The following RBM47 variants were observed in gnomAD, a reference collection of about 807,000 sequenced individuals.
RBM47 encodes RNA-binding protein 47.
Under a neutral mutation model 47.1 loss-of-function variants are expected in RBM47, and 21 were observed. The observed-to-expected ratio is 0.45, with a 90% CI of 0.32 to 0.64. The LOEUF is 0.64. Ranked by LOEUF, RBM47 falls within the 30% of genes least tolerant of loss-of-function variation. The pLI is 0.05. For synonymous variants in RBM47, 375 were observed against 361.7 expected (o/e 1.04, Z -0.42); for missense variants, 708 against 870.9 (o/e 0.81, Z 2.35).
intron 1 of RBM47, among the ~76,000 whole-genome samples, chr4:40,563,658 A>G (rs1295091832): frequency 6.6e-6 from 1 of 152,182 alleles, no homozygotes; most frequent in Non-Finnish European, 1.5e-5. Context: ...CACTAAGCAG[A>G]GCCTGGGTTT....
At chr4:40,435,565 T>C (rs1342895275) in intron 5 of RBM47, among the ~76,000 whole-genome samples, 3 of 151,892 alleles carry the variant, frequency 2.0e-5, no homozygotes, top group Admixed American at 6.6e-5. Context: ...AACAAAACTT[T>C]CACCACTGCC....
chr4:40,589,612 T>C (rs1047470386), intron 1 of RBM47, among the ~76,000 whole-genome samples: 1 of 151,966 alleles, frequency 6.6e-6, no homozygotes, highest in Non-Finnish European at 1.5e-5. Context: ...AATTTTTTTG[T>C]ATTTTTAGTA....
chr4:40,433,074 C>T (rs4452463), intron 5 of RBM47, among the ~76,000 whole-genome samples: 3,303 of 152,220 alleles, frequency 0.022, 67 homozygotes, highest in African/African-American at 0.056. Context: ...GATCCTCCCA[C>T]CTCAGCCTCC....
intron 3 of RBM47, among the ~76,000 whole-genome samples, chr4:40,457,902 C>T (rs940073059): frequency 6.6e-6 from 1 of 152,102 alleles, no homozygotes; most frequent in African/African-American, 2.4e-5. Context: ...TCACCTGAGC[C>T]TTGGAGTTTG....
intron 2 of RBM47, among the ~76,000 whole-genome samples, chr4:40,485,838 T>C (rs1720990093): frequency 6.6e-6 from 1 of 151,480 alleles, no homozygotes; most frequent in East Asian, 1.9e-4. Flanking sequence ...GGTGGGCGGA[T>C]TGCTTGAGTC....
At chr4:40,624,318 T>C (rs1009980665) in intron 1 of RBM47, among the ~76,000 whole-genome samples, 1 of 152,202 alleles carries the variant, frequency 6.6e-6, no homozygotes, top group South Asian at 2.1e-4. Context: ...CACTCTGCTA[T>C]GGAGTGTGAA....
intron 5 of RBM47, among the ~76,000 whole-genome samples, chr4:40,436,002 CAA>C (rs11452583): frequency 9.3e-4 from 104 of 111,310 alleles, no homozygotes; most frequent in African/African-American, 2.6e-3. Flanking sequence ...ACTAAAAATA[CAA>C]AAAAAAAAAA....
intron 1 of RBM47, among the ~76,000 whole-genome samples, chr4:40,601,641 C>T (rs528062246): frequency 2.1e-4 from 32 of 152,300 alleles, no homozygotes; most frequent in South Asian, 6.2e-4. Context: ...AAAAGCTTCG[C>T]TTGCTTGTTT....
At chr4:40,450,364 C>T (rs900057000) in intron 3 of RBM47, among the ~76,000 whole-genome samples, 1 of 151,922 alleles carries the variant, frequency 6.6e-6, no homozygotes, top group Non-Finnish European at 1.5e-5. Context: ...GAGGCTGAGG[C>T]GGCCTGATCA....
At chr4:40,585,091 C>T (rs887098984) in intron 1 of RBM47, among the ~76,000 whole-genome samples, 6 of 152,308 alleles carry the variant, frequency 3.9e-5, no homozygotes, top group Middle Eastern at 3.4e-3. Context: ...AGGTTTCATT[C>T]GGGGTCATTA....
intron 2 of RBM47, among the ~76,000 whole-genome samples, chr4:40,473,220 C>T (rs73231765): frequency 0.08 from 12,127 of 152,236 alleles, 605 homozygotes; most frequent in Middle Eastern, 0.14. Flanking sequence ...TTGCTACAAC[C>T]TCATGAAGCA....
chr4:40,609,627 C>A (rs1736075021), intron 1 of RBM47, among the ~76,000 whole-genome samples: 1 of 151,780 alleles, frequency 6.6e-6, no homozygotes, highest in Admixed American at 6.6e-5. Flanking sequence ...CCTTTTTCTT[C>A]TTTTTTAGCT....
intron 1 of RBM47, among the ~76,000 whole-genome samples, chr4:40,627,424 C>T (rs777703389): frequency 2.6e-5 from 4 of 152,128 alleles, no homozygotes; most frequent in Admixed American, 6.5e-5. Context: ...CCTCCCTTCA[C>T]GCTTATATCC....
At chr4:40,444,148 G>GT (rs760099671) in intron 3 of RBM47, among the ~76,000 whole-genome samples, 1 of 152,144 alleles carries the variant, frequency 6.6e-6, no homozygotes, top group Non-Finnish European at 1.5e-5. Context: ...GCAGTGAGCT[G>GT]TGACTGCGCC....
intron 3 of RBM47, among the ~76,000 whole-genome samples, chr4:40,448,939 A>T (rs7678746): frequency 0.026 from 3,943 of 152,258 alleles, 169 homozygotes; most frequent in African/African-American, 0.09. Flanking sequence ...TGGGGTAGGA[A>T]ATCAGAGAGA....
chr4:40,443,021 C>A (rs937137855), intron 3 of RBM47, among the ~76,000 whole-genome samples: 11 of 152,064 alleles, frequency 7.2e-5, no homozygotes, highest in Admixed American at 3.9e-4. Context: ...TATGGAAGAA[C>A]CTTGAAGACA....
intron 2 of RBM47, among the ~76,000 whole-genome samples, chr4:40,478,156 C>T (rs1719900438): frequency 6.6e-6 from 1 of 151,850 alleles, no homozygotes; most frequent in African/African-American, 2.4e-5. Flanking sequence ...GCTGGGATTA[C>T]AGCCATGCGC....
intron 1 of RBM47, among the ~76,000 whole-genome samples, chr4:40,553,775 G>A (rs1193619529): frequency 1.3e-5 from 2 of 152,088 alleles, no homozygotes; most frequent in Non-Finnish European, 2.9e-5. Flanking sequence ...GAGATAATAA[G>A]CCCTTAATCA....
At chr4:40,594,783 A>T (rs1734603075) in intron 1 of RBM47, among the ~76,000 whole-genome samples, 1 of 151,752 alleles carries the variant, frequency 6.6e-6, no homozygotes, top group African/African-American at 2.4e-5. Context: ...TTTCCACTCC[A>T]ATTTCTTTCT....
Sources: allele counts gnomAD v4.1 joint callset (sites outside exome capture counted in the v4.1 genomes callset), GRCh38; gene constraint gnomAD v4.1.1; transcripts MANE v1.5; gene names NCBI Gene and HGNC (gene_info 2026-07-23, HGNC 2026-07-21).